The following SZT2 variants were observed in gnomAD, a reference collection of about 807,000 sequenced individuals.
SZT2 encodes SZT2 subunit of KICSTOR complex, also known as KICSTOR complex protein SZT2.
A neutral mutation model predicts 404.2 loss-of-function variants in SZT2; 216 were observed. The ratio of observed to expected loss-of-function variants is 0.53; its 90% confidence interval spans 0.48 to 0.60. The LOEUF is 0.60. SZT2 is among the 20% of genes least tolerant of loss of function. The pLI is 0.00. For synonymous variants in SZT2, 1,693 were observed against 1,749.9 expected (o/e 0.97, Z 0.81); for missense variants, 3,857 against 4,459.2 (o/e 0.86, Z 3.85).
chr1:43,438,390 G>A (rs1434154953), intron 46 of SZT2, among the ~76,000 whole-genome samples: 1 of 152,196 alleles, frequency 6.6e-6, no homozygotes, highest in Non-Finnish European at 1.5e-5. Context: ...ACATGTGCTG[G>A]TCTTGGGCTG....
At chr1:43,449,026 A>G (rs1001875836) in intron 70 of SZT2, 32 of 356,016 alleles carry the variant, frequency 9.0e-5, no homozygotes, top group African/African-American at 6.6e-4. Flanking sequence ...AGTAGGCTGG[A>G]GCCCCAGAAA....
At chr1:43,433,903 CAT>C (rs1321512590) in intron 40 of SZT2, among the ~76,000 whole-genome samples, 1 of 152,210 alleles carries the variant, frequency 6.6e-6, no homozygotes, top group Non-Finnish European at 1.5e-5. Flanking sequence ...ATGTCCTTAT[CAT>C]ATGGGTGAAG....
chr1:43,431,682 G>C, intron 35 of SZT2, 34 bp from the exon 36 acceptor site: 1 of 1,611,196 alleles, frequency 6.2e-7, no homozygotes, highest in Non-Finnish European at 8.5e-7. Context: ...GGAAGCAAGG[G>C]AGATGCCCTT....
At position 43,431,752 on chromosome 1, in the gene SZT2, C is replaced by G. The variant is rs751568830; in HGVS notation, c.5125C>G (p.Leu1709Val). ...GTTGGAAGATGAGATGGTGGGGGCA[C>G]TCCGAAGAGGGGGCATCCCACAGAG... Reference protein sequence around the residue: ...WLLEDEMVGALRRGGIPQSPA... With the variant: ...WLLEDEMVGAVRRGGIPQSPA... The change falls in exon 36 of 72, where the codon CTC becomes GTC. Residue 1709 changes from leucine to valine, a missense_variant. Leu to Val is a conservative substitution (Grantham distance 32). Around this residue, in one of 7 missense-constraint regions of SZT2, gnomAD observed 1,725 missense variants for 1,881.0 expected, o/e 0.92. Transcript: ENST00000634258. The G allele has an allele frequency of 5.6e-6, 9 of 1,614,106 alleles. No individual in the cohort carries two copies. In the South Asian group the frequency reaches 8.8e-5, roughly 16 times the overall value.
Position 43,443,281 on chromosome 1 carries a change from G to A in SZT2, c.8499+14G>A. On this transcript the variant is annotated intron_variant, in intron 60 of 71. Transcript: ENST00000634258. The stretch of plus-strand genomic sequence containing the variant: ...ATGCCCATCAGTGTGAGTGACCCCA[G>A]CTTGCATCTTCCTTGAGTATCTGTG... The A allele has an allele frequency of 6.2e-7, 1 of 1,614,160 alleles. No individual in the cohort carries two copies. Among genetic ancestry groups the A allele is most frequent in the Non-Finnish European group, 8.5e-7 (1 of 1,180,008 alleles).
At chr1:43,430,218 A>G (rs1394250030) in intron 30 of SZT2, 93 bp from the exon 31 acceptor site, 27 of 1,554,894 alleles carry the variant, frequency 1.7e-5, no homozygotes, top group Non-Finnish European at 2.0e-5. Flanking sequence ...CCTTAGATCA[A>G]GCTGTCTAAG....
intron 2 of SZT2, 109 bp from the exon 3 acceptor site, chr1:43,403,492 T>G: frequency 3.5e-6 from 5 of 1,422,050 alleles, no homozygotes; most frequent in Non-Finnish European, 3.8e-6. Flanking sequence ...TACGGTTAGA[T>G]TGAGGGAGGT....
rs150105610 is a variant in SZT2, at chr1:43,427,895, T to C, written c.3804-108T>C. 110 of 1,297,128 alleles carry C rather than the reference T, an allele frequency of 8.5e-5. No homozygotes were observed. The African/African-American group carries it at 1.4e-3, about 17-fold the overall frequency. 80.4% of individuals were successfully genotyped at this position (1,297,128 alleles called of 1,614,324 possible). On this transcript the variant is annotated intron_variant, in intron 26 of 71. Coordinates refer to ENST00000634258, the MANE Select transcript of SZT2 (RefSeq NM_001365999.1). Reference sequence around the variant, plus strand: ...ACCCTTGAACTTGCTAGGCCATGAATACACTTGATATGTGTCTATAGATGA... The same window carrying C: ...ACCCTTGAACTTGCTAGGCCATGAACACACTTGATATGTGTCTATAGATGA...
Position 43,427,592 on chromosome 1 carries a change from G to T in SZT2, c.3661G>T (p.Gly1221Trp). 6.2e-7 allele frequency: 1 copy of T among 1,614,256 alleles called. No individual in the cohort carries two copies. The highest frequency in any genetic ancestry group is 8.5e-7 in the Non-Finnish European group (1 of 1,180,044). Residue 1221 changes from glycine (G) to tryptophan (W), a missense_variant, in exon 26 of 72, where the codon GGG becomes TGG. Gly to Trp is a radical substitution (Grantham distance 184, BLOSUM62 -2). Transcript: ENST00000634258. ...PFRRDLQAYA[G>W]RQASQTESAD... The stretch of plus-strand genomic sequence containing the variant: ...CCGTCGAGACTTACAGGCTTACGCT[G>T]GGCGTCAGGCTTCCCAGACAGAGAG...
Position 43,450,576 on chromosome 1 carries a change from C to T in SZT2, c.*96C>T. 6.5e-7 allele frequency: 1 copy of T among 1,529,268 alleles called. No individual in the cohort carries two copies. Among genetic ancestry groups the T allele is most frequent in the Non-Finnish European group, 8.9e-7 (1 of 1,122,802 alleles). The allele number at this position is 1,529,268 out of a possible 1,614,324, so 94.7% of individuals were successfully genotyped here. On this transcript the variant is annotated 3_prime_UTR_variant, in exon 72 of 72. Coordinates refer to ENST00000634258, the MANE Select transcript of SZT2 (RefSeq NM_001365999.1). The surrounding 1 kb of genome is among the most constrained non-coding windows in gnomAD (Gnocchi z 4.3). ...AGGACTGACCAGCCCTTCTGGGCCC[C>T]AGGGCAAGCCAGACACTGAGTGACA...
At chr1:43,447,477 G>GT in intron 66 of SZT2, 68 bp from the exon 67 acceptor site, 1 of 1,568,408 alleles carries the variant, frequency 6.4e-7, no homozygotes, top group Non-Finnish European at 8.7e-7. Flanking sequence ...TCCCATCCCT[G>GT]TGCCCCACCA....
At chr1:43,414,998 G>A in intron 4 of SZT2, 84 bp from the exon 5 acceptor site, 2 of 1,512,842 alleles carry the variant, frequency 1.3e-6, no homozygotes, top group Non-Finnish European at 8.9e-7. Flanking sequence ...CCTAGATGGA[G>A]CTATGGAGAA....
chr1:43,453,389 G>A lies in SZT2; in HGVS notation c.*2909G>A. 6.4e-7 allele frequency: 1 copy of A among 1,550,438 alleles called. No homozygotes were observed. Among genetic ancestry groups the A allele is most frequent in the Non-Finnish European group, 8.7e-7 (1 of 1,145,624 alleles). ...GGGGTGGGGTGGAGCGGGGTACCTGGGACAGCCCAGGGCTTTGGCATACCG... is the reference window on the plus strand; with the variant it reads ...GGGGTGGGGTGGAGCGGGGTACCTGAGACAGCCCAGGGCTTTGGCATACCG... On this transcript the variant is annotated 3_prime_UTR_variant, in exon 72 of 72. Transcript: ENST00000634258.
In SZT2 at chr1:43,443,334, A is replaced by C. The variant is rs200233054; in HGVS notation, c.8500-18A>C. ...CCTGCCCCGTCACTGCTCCATGCTCACTGCCCTGTTTCCCCAGGCTGGAGA... is the reference window on the plus strand; with the variant it reads ...CCTGCCCCGTCACTGCTCCATGCTCCCTGCCCTGTTTCCCCAGGCTGGAGA... On this transcript the variant is annotated intron_variant, in intron 60 of 71. Transcript: ENST00000634258. 13 of 1,614,038 alleles carry C rather than the reference A, an allele frequency of 8.1e-6. No individual in the cohort carries two copies. The highest frequency in any genetic ancestry group is 6.7e-5 in the African/African-American group (5 of 74,992).
intron 1 of SZT2, among the ~76,000 whole-genome samples, chr1:43,397,007 T>C (rs1649073279): frequency 6.6e-6 from 1 of 152,202 alleles, no homozygotes; most frequent in African/African-American, 2.4e-5. Flanking sequence ...GGTAACAAAT[T>C]AAGAATAGCT....
In SZT2 at chr1:43,429,456, C is replaced by T. The variant is rs190419500; in HGVS notation, c.4167-247C>T. 72 of 454,524 alleles carry T rather than the reference C, an allele frequency of 1.6e-4. 1 individual carries two copies. The Admixed American group carries it at 2.3e-3, about 15-fold the overall frequency. The allele number at this position is 454,524 out of a possible 1,614,324, so 28.2% of individuals were successfully genotyped here. On this transcript the variant is annotated intron_variant, in intron 28 of 71. Transcript: ENST00000634258. ...GGCAAGTGGTGATGGCGCCACTGCA[C>T]TCCTACCTCAGCAACAGAGTAAGAC...
At chr1:43,408,533 T>G (rs1650616597) in intron 4 of SZT2, among the ~76,000 whole-genome samples, 1 of 152,226 alleles carries the variant, frequency 6.6e-6, no homozygotes, top group African/African-American at 2.4e-5. Flanking sequence ...CCCAAAGTAC[T>G]GGGATTACAG....
rs761455251 is a variant in SZT2 at position 43,442,990 on chromosome 1, C to T, written c.8323C>T (p.Arg2775Cys). ...GGCCCTAAGGGATATCACGGCTGCC[C>T]GCCCCAGCTCCGTACTTGGTCCTGT... ...DEALRDITAA[R>C]PSSVLGPVPR... The change falls in exon 59 of 72, where the codon CGC (arginine) becomes TGC (cysteine). Residue 2775 changes from arginine (R) to cysteine (C), a missense_variant. Arg to Cys is a radical substitution (Grantham distance 180). Transcript: ENST00000634258. The surrounding 1 kb of genome is among the most constrained non-coding windows in gnomAD (Gnocchi z 4.5). 6.2e-6 allele frequency: 10 copies of T among 1,613,980 alleles called. No individual in the cohort carries two copies. The highest frequency in any genetic ancestry group is 3.3e-5 in the South Asian group (3 of 91,092).
intron 4 of SZT2, among the ~76,000 whole-genome samples, chr1:43,413,814 G>A (rs967217287): frequency 1.3e-5 from 2 of 152,194 alleles, no homozygotes; most frequent in African/African-American, 4.8e-5. Context: ...AAGGGTAGCT[G>A]GGGGAGGTGG....
Sources: allele counts gnomAD v4.1 joint callset (sites outside exome capture counted in the v4.1 genomes callset), GRCh38; gene constraint gnomAD v4.1.1; regional missense constraint gnomAD v4.1.1; non-coding constraint Gnocchi (gnomAD v3.1); transcripts MANE v1.5; gene names NCBI Gene and HGNC (gene_info 2026-07-23, HGNC 2026-07-21).